The following DIAPH3 variants were observed in gnomAD, a reference collection of about 807,000 sequenced individuals.
The protein encoded by DIAPH3 is protein diaphanous homolog 3.
Under a neutral mutation model 144.3 loss-of-function variants are expected in DIAPH3, and 117 were observed. The ratio of observed to expected loss-of-function variants is 0.81; its 90% CI spans 0.70 to 0.95. The LOEUF (loss-of-function observed/expected upper bound fraction) is 0.95. Ranked by LOEUF, DIAPH3 falls within the 40% of genes least tolerant of loss-of-function variation. The pLI, the probability that DIAPH3 is intolerant of heterozygous loss-of-function variation, is 0.00. For synonymous variants in DIAPH3, 519 were observed against 488.9 expected, an observed-to-expected ratio of 1.06 and a Z score of -0.81; for missense variants, 1,421 against 1,412.7, an observed-to-expected ratio of 1.01 and a Z score of -0.09.
intron 27 of DIAPH3, among the ~76,000 whole-genome samples, chr13:59,767,533 A>C (rs1038775522): frequency 1.3e-5 from 2 of 152,118 alleles, no homozygotes; most frequent in Non-Finnish European, 2.9e-5. Context: ...AAAAGTACAG[A>C]GTTCAAGGAG....
At chr13:59,879,178 T>C (rs370627616) in intron 21 of DIAPH3, 51 bp downstream of exon 21, 20 of 1,611,798 alleles carry the variant, frequency 1.2e-5, no homozygotes, top group East Asian at 4.5e-5. Flanking sequence ...AGGGCTGACA[T>C]TTAAGAGCAA....
chr13:59,691,931 T>C (rs1254872971), intron 27 of DIAPH3, among the ~76,000 whole-genome samples: 1 of 152,142 alleles, frequency 6.6e-6, no homozygotes, highest in Non-Finnish European at 1.5e-5. Flanking sequence ...GTGAAGCTTA[T>C]GCAATGTTCA....
intron 27 of DIAPH3, among the ~76,000 whole-genome samples, chr13:59,753,947 A>G (rs1422192705): frequency 6.6e-6 from 1 of 152,090 alleles, no homozygotes; most frequent in South Asian, 2.1e-4. Flanking sequence ...TACCCTTCTA[A>G]CCCACCCCTT....
Position 60,016,151 on chromosome 13 carries a change from A to G in DIAPH3, c.627-6T>C. The G allele has an allele frequency of 6.2e-7, 1 of 1,613,484 alleles. No homozygotes were observed. Among genetic ancestry groups the G allele is most frequent in the Non-Finnish European group, 8.5e-7 (1 of 1,179,638 alleles). Reference sequence around the variant, plus strand: ...GTCCAAAGCTTTCCACCCAACTGAAAAACAGAAAAAAGACAGTTACACATT... The same window carrying G: ...GTCCAAAGCTTTCCACCCAACTGAAGAACAGAAAAAAGACAGTTACACATT... On this transcript the variant is annotated splice_polypyrimidine_tract_variant and splice_region_variant and intron_variant, in intron 5 of 27. Transcript: ENST00000400324.
intron 17 of DIAPH3, among the ~76,000 whole-genome samples, chr13:59,943,094 T>A (rs563467689): frequency 6.6e-6 from 1 of 152,322 alleles, no homozygotes; most frequent in South Asian, 2.1e-4. Context: ...AGAAAAGACA[T>A]ATGATCAATT....
chr13:59,918,508 T>C (rs2047347477), intron 18 of DIAPH3, among the ~76,000 whole-genome samples: 1 of 152,122 alleles, frequency 6.6e-6, no homozygotes, highest in Non-Finnish European at 1.5e-5. Context: ...AGCCATGGGC[T>C]TCAGGAACCA....
At chr13:59,992,253 A>G (rs2051873066) in intron 10 of DIAPH3, 67 bp from the exon 11 acceptor site, 2 of 1,338,282 alleles carry the variant, frequency 1.5e-6, no homozygotes, top group Non-Finnish European at 2.1e-6. Context: ...AATAAAAAAC[A>G]TATAAACAAT....
At chr13:59,812,289 CATCCATCCATCCATCT>C (rs1308602293) in intron 24 of DIAPH3, among the ~76,000 whole-genome samples, 4 of 142,544 alleles carry the variant, frequency 2.8e-5, no homozygotes, top group East Asian at 2.1e-4. Flanking sequence ...TCCATCCATC[CATCCATCCATCCATCT>C]ATCCATCGAT....
At chr13:60,144,627 G>A (rs1951420304) in intron 1 of DIAPH3, 1 of 152,156 alleles carries the variant, frequency 6.6e-6, no homozygotes, top group Non-Finnish European at 1.5e-5. Context: ...ATGAAAATCA[G>A]GCTCTACTCT....
intron 25 of DIAPH3, among the ~76,000 whole-genome samples, chr13:59,796,230 T>C (rs2039593944): frequency 6.6e-6 from 1 of 152,212 alleles, no homozygotes; most frequent in African/African-American, 2.4e-5. Flanking sequence ...ACAGTTGTTA[T>C]GGATAAAGAT....
intron 2 of DIAPH3, among the ~76,000 whole-genome samples, chr13:60,128,643 A>G (rs993258712): frequency 1.3e-5 from 2 of 152,194 alleles, no homozygotes; most frequent in South Asian, 2.1e-4. Context: ...ATGCAACTAC[A>G]TATAATAAAG....
chr13:60,106,964 C>G (rs540360287), intron 3 of DIAPH3, among the ~76,000 whole-genome samples: 1 of 152,212 alleles, frequency 6.6e-6, no homozygotes, highest in African/African-American at 2.4e-5. Context: ...CTATTCCAGA[C>G]TGAAGAAGAT....
chr13:59,969,895 G>T, intron 17 of DIAPH3, 49 bp downstream of exon 17: 1 of 1,219,698 alleles, frequency 8.2e-7, no homozygotes, highest in South Asian at 1.4e-5. Flanking sequence ...AAAAGTATAT[G>T]TTAAAATTCT....
intron 25 of DIAPH3, among the ~76,000 whole-genome samples, chr13:59,775,545 G>A (rs1033822607): frequency 6.6e-6 from 1 of 152,158 alleles, no homozygotes; most frequent in African/African-American, 2.4e-5. Context: ...CACGGCCCGG[G>A]AGAGTGTTTT....
At chr13:59,900,323 G>A (rs986959278) in intron 20 of DIAPH3, among the ~76,000 whole-genome samples, 1 of 152,080 alleles carries the variant, frequency 6.6e-6, no homozygotes, top group Non-Finnish European at 1.5e-5. Flanking sequence ...TGAGAGCAAG[G>A]TCTGGAGGCA....
chr13:60,100,910 G>C (rs188142945), intron 3 of DIAPH3, among the ~76,000 whole-genome samples: 4 of 152,238 alleles, frequency 2.6e-5, no homozygotes, highest in African/African-American at 9.6e-5. Flanking sequence ...ACAAATCCAA[G>C]GGTCCTGAGA....
intron 17 of DIAPH3, among the ~76,000 whole-genome samples, chr13:59,946,805 A>AAAT (rs1555339764): frequency 6.6e-6 from 1 of 152,210 alleles, no homozygotes; most frequent in Non-Finnish European, 1.5e-5. Flanking sequence ...CACAACTTTA[A>AAAT]AATAAAATGT....
chr13:59,905,589 C>T (rs1223122972), intron 20 of DIAPH3, among the ~76,000 whole-genome samples: 1 of 152,040 alleles, frequency 6.6e-6, no homozygotes, highest in Non-Finnish European at 1.5e-5. Flanking sequence ...TATCCATGTC[C>T]TAATACCCAA....
chr13:60,093,758 AT>A, intron 3 of DIAPH3, 26 bp from the exon 4 acceptor site: 2 of 1,484,752 alleles, frequency 1.3e-6, no homozygotes, highest in Non-Finnish European at 1.9e-6. Context: ...AAAATGCCTC[AT>A]TTTAGAATCT....
Sources: gnomAD v4.1 joint callset for allele counts (sites outside exome capture counted in the v4.1 genomes callset) on GRCh38, gnomAD v4.1.1 for gene constraint, MANE v1.5 for transcripts, NCBI Gene and HGNC (gene_info 2026-07-23, HGNC 2026-07-21) for gene names.